Variants in ZNF704 observed in about 807,000 individuals in gnomAD.
ZNF704 encodes zinc finger protein 704.
A neutral mutation model predicts 44.7 loss-of-function variants in ZNF704; 10 were observed. The ratio of observed to expected loss-of-function variants is 0.22; its 90% CI spans 0.14 to 0.38. The LOEUF (loss-of-function observed/expected upper bound fraction) is 0.38. Ranked by LOEUF, ZNF704 falls within the 10% of genes least tolerant of loss-of-function variation. The probability of loss-of-function intolerance (pLI) is 1.00; values close to 1 mark genes in which losing one functional copy is unlikely to be tolerated. For missense variants in ZNF704, 390 were observed against 545.5 expected (o/e 0.71, Z 2.84); for synonymous variants, 211 against 207.6 (o/e 1.02, Z -0.14).
chr8:80,855,583 G>A (rs1023139281), intron 1 of ZNF704, among the ~76,000 whole-genome samples: 4 of 152,084 alleles, frequency 2.6e-5, no homozygotes, highest in African/African-American at 4.8e-5. Context: ...ACACATGGAC[G>A]TAGAGTATGG....
intron 1 of ZNF704, among the ~76,000 whole-genome samples, chr8:80,857,117 A>G (rs968306803): frequency 6.6e-6 from 1 of 152,192 alleles, no homozygotes; most frequent in East Asian, 1.9e-4. Context: ...CGATATTTGA[A>G]ATCTCATTTT....
intron 2 of ZNF704, among the ~76,000 whole-genome samples, chr8:80,723,632 C>T (rs1411828535): frequency 6.6e-6 from 1 of 152,146 alleles, no homozygotes; most frequent in Non-Finnish European, 1.5e-5. Flanking sequence ...CACTGGATAA[C>T]CTTAAAAGTA....
intron 4 of ZNF704, among the ~76,000 whole-genome samples, chr8:80,678,405 G>T (rs1818403299): frequency 6.6e-6 from 1 of 152,032 alleles, no homozygotes; most frequent in South Asian, 2.1e-4. Context: ...TCCCATTTTA[G>T]TCCAGACTGT....
chr8:80,807,022 T>G (rs1029587810), intron 2 of ZNF704, among the ~76,000 whole-genome samples: 5 of 152,228 alleles, frequency 3.3e-5, no homozygotes, highest in African/African-American at 1.2e-4. Flanking sequence ...TGCAAACTAG[T>G]GTGGTTTCAT....
chr8:80,883,441 T>C, the ZNF704 span, among the ~76,000 whole-genome samples: 1 of 152,178 alleles, frequency 6.6e-6, no homozygotes, highest in African/African-American at 2.4e-5. Context: ...ATATCTGTGC[T>C]GTTCAGTAAC....
chr8:80,794,896 C>G (rs1230253280), intron 2 of ZNF704, among the ~76,000 whole-genome samples: 1 of 152,164 alleles, frequency 6.6e-6, no homozygotes. Flanking sequence ...GAGTAGAATT[C>G]TGAGGAACTT....
intron 7 of ZNF704, among the ~76,000 whole-genome samples, chr8:80,643,667 A>C (rs1013725092): frequency 6.6e-6 from 1 of 152,128 alleles, no homozygotes; most frequent in Admixed American, 6.6e-5. Flanking sequence ...CCAATATCTC[A>C]AACATTTTTT....
At chr8:80,796,369 T>C (rs1439050374) in intron 2 of ZNF704, among the ~76,000 whole-genome samples, 3 of 152,180 alleles carry the variant, frequency 2.0e-5, no homozygotes, top group Admixed American at 6.5e-5. Context: ...AATCCACTAA[T>C]AGGTTAACCC....
At chr8:80,779,015 TA>T (rs1272707026) in intron 2 of ZNF704, among the ~76,000 whole-genome samples, 2 of 150,374 alleles carry the variant, frequency 1.3e-5, no homozygotes, top group Admixed American at 6.6e-5. Context: ...AAATAAAATT[TA>T]AAAAAAAAGG....
At chr8:80,826,978 G>T (rs1808388792) in intron 1 of ZNF704, among the ~76,000 whole-genome samples, 1 of 152,114 alleles carries the variant, frequency 6.6e-6, no homozygotes, top group South Asian at 2.1e-4. Context: ...ATACTGAGTG[G>T]GCAAAAACTG....
intron 2 of ZNF704, among the ~76,000 whole-genome samples, chr8:80,736,817 C>T (rs1806674778): frequency 6.6e-6 from 1 of 152,090 alleles, no homozygotes; most frequent in African/African-American, 2.4e-5. Context: ...TGTAATCAAA[C>T]ACCACCTGTT....
At position 80,835,978 on chromosome 8, in the gene ZNF704, G is replaced by C. The variant is rs79683218; in HGVS notation, c.-21-14363C>G. ...GTTAAGCCACCACTGTCTCTTACCT[G>C]GATCTGTACAATAGTCTCCCTCCCC... On this transcript the variant is annotated intron_variant, in intron 1 of 8. Coordinates refer to ENST00000327835, the MANE Select transcript of ZNF704 (RefSeq NM_001033723.3). Among the ~76,000 whole-genome samples the C allele has an allele frequency of 3.7e-3, 566 of 152,154 alleles. 5 individuals carry two copies. The highest frequency in any genetic ancestry group is 0.013 in the African/African-American group (549 of 41,510).
intron 3 of ZNF704, among the ~76,000 whole-genome samples, chr8:80,687,906 T>G (rs917862590): frequency 6.6e-6 from 1 of 152,280 alleles, no homozygotes. Flanking sequence ...TCAACATTTT[T>G]TTAAAAAGGG....
intron 8 of ZNF704, among the ~76,000 whole-genome samples, chr8:80,642,805 C>CA (rs1346305715): frequency 3.9e-5 from 6 of 151,958 alleles, no homozygotes; most frequent in African/African-American, 1.4e-4. Flanking sequence ...TTCTGTAAAA[C>CA]AAAAACAAAA....
At position 80,629,272 on chromosome 8, in the gene ZNF704, A is replaced by G. The variant is rs1817548028; in HGVS notation, c.*12094T>C. ...AGGCTGTATTTACAGTCAGACAGGT[A>G]TTCAGAAATGTGTATCAGAACATCT... On this transcript the variant is annotated 3_prime_UTR_variant, in exon 9 of 9. Coordinates refer to ENST00000327835, the MANE Select transcript of ZNF704 (RefSeq NM_001033723.3). 1 of 152,242 alleles carries G rather than the reference A, an allele frequency of 6.6e-6. No individual in the cohort carries two copies. Among genetic ancestry groups the G allele is most frequent in the South Asian group, 2.1e-4 (1 of 4,838 alleles). 9.4% of individuals were successfully genotyped at this position (152,242 alleles called of 1,614,324 possible).
chr8:80,865,938 A>G (rs1475874517), intron 1 of ZNF704, among the ~76,000 whole-genome samples: 1 of 152,202 alleles, frequency 6.6e-6, no homozygotes, highest in Non-Finnish European at 1.5e-5. Context: ...TTGTAACTCT[A>G]GATTTTTCCA....
intron 2 of ZNF704, chr8:80,812,136 A>G (rs1169594625): frequency 6.6e-6 from 1 of 152,498 alleles, no homozygotes; most frequent in Non-Finnish European, 1.5e-5. Context: ...TTTATCCATC[A>G]TAATTGTCTT....
intron 2 of ZNF704, among the ~76,000 whole-genome samples, chr8:80,698,677 G>A (rs1367777543): frequency 1.3e-5 from 2 of 152,192 alleles, no homozygotes; most frequent in Admixed American, 6.5e-5. Flanking sequence ...TTGATTGTCT[G>A]ATGACTGTGG....
At chr8:80,667,523 G>A (rs1186770839) in intron 5 of ZNF704, among the ~76,000 whole-genome samples, 1 of 152,210 alleles carries the variant, frequency 6.6e-6, no homozygotes, top group Non-Finnish European at 1.5e-5. Context: ...TCCCTCTGAA[G>A]TGTGTTTACT....
Sources: gnomAD v4.1 joint callset for allele counts (sites outside exome capture counted in the v4.1 genomes callset) on GRCh38, gnomAD v4.1.1 for gene constraint, MANE v1.5 for transcripts, NCBI Gene and HGNC (gene_info 2026-07-23, HGNC 2026-07-21) for gene names.